The following KAZN variants were observed in gnomAD, a reference collection of about 807,000 sequenced individuals.
KAZN encodes the protein kazrin, periplakin interacting protein.
KAZN carries 40 observed loss-of-function variants against 87.4 expected under a neutral mutation model. The ratio of observed to expected loss-of-function variants is 0.46; its 90% CI spans 0.36 to 0.60. KAZN has a LOEUF of 0.60. Among genes scored for constraint, KAZN ranks in the 20% least tolerant of loss-of-function variants. The probability of loss-of-function intolerance (pLI) is 0.00; values close to 1 mark genes in which losing one functional copy is unlikely to be tolerated. For synonymous variants in KAZN, 466 were observed against 458.3 expected (o/e 1.02, Z -0.22); for missense variants, 898 against 1,073.9 (o/e 0.84, Z 2.29).
chr1:13,973,229 C>G (rs528746527), intron 1 of KAZN, among the ~76,000 whole-genome samples: 1 of 152,322 alleles, frequency 6.6e-6, no homozygotes, highest in Admixed American at 6.5e-5. Flanking sequence ...AACTTCATAA[C>G]AACCTCATGG....
intron 2 of KAZN, among the ~76,000 whole-genome samples, chr1:14,548,950 T>C (rs1673337841): frequency 1.3e-5 from 2 of 152,220 alleles, no homozygotes; most frequent in South Asian, 4.1e-4. Flanking sequence ...TTTTATGTTT[T>C]GGAATAATTT....
chr1:14,297,017 G>A (rs548294952), intron 2 of KAZN, among the ~76,000 whole-genome samples: 2 of 152,288 alleles, frequency 1.3e-5, no homozygotes, highest in South Asian at 4.2e-4. Flanking sequence ...TGTGTGACAT[G>A]TCATGATGCT....
intron 1 of KAZN, among the ~76,000 whole-genome samples, chr1:14,656,791 T>A (rs1198376709): frequency 6.6e-6 from 1 of 152,194 alleles, no homozygotes; most frequent in Non-Finnish European, 1.5e-5. Context: ...ATCCCCATGA[T>A]CCAAGCACCT....
intron 1 of KAZN, among the ~76,000 whole-genome samples, chr1:13,959,623 C>T (rs1169165745): frequency 6.6e-6 from 1 of 152,170 alleles, no homozygotes; most frequent in Non-Finnish European, 1.5e-5. Context: ...GGATCATTTC[C>T]CCATCCTTCT....
At chr1:14,148,912 T>C (rs961913942) in intron 1 of KAZN, among the ~76,000 whole-genome samples, 1 of 152,106 alleles carries the variant, frequency 6.6e-6, no homozygotes, top group Non-Finnish European at 1.5e-5. Flanking sequence ...ACTTTTTGCT[T>C]GATTGGATTT....
At chr1:14,004,946 C>T (rs150687777) in intron 1 of KAZN, among the ~76,000 whole-genome samples, 229 of 151,570 alleles carry the variant, frequency 1.5e-3, no homozygotes, top group African/African-American at 5.2e-3. Flanking sequence ...CCTCGCCACC[C>T]GATGCCCTGT....
chr1:14,284,233 T>C (rs1244482585), intron 2 of KAZN, among the ~76,000 whole-genome samples: 1 of 152,206 alleles, frequency 6.6e-6, no homozygotes, highest in Non-Finnish European at 1.5e-5. Flanking sequence ...TCTGTAAATA[T>C]ACTAAAAATA....
intron 1 of KAZN, among the ~76,000 whole-genome samples, chr1:14,693,301 A>G (rs1335265277): frequency 6.6e-6 from 1 of 152,178 alleles, no homozygotes; most frequent in African/African-American, 2.4e-5. Context: ...ACAGGATGCT[A>G]AGGGAGGGGT....
chr1:14,468,178 A>G (rs1194104051), intron 2 of KAZN, among the ~76,000 whole-genome samples: 2 of 149,434 alleles, frequency 1.3e-5, no homozygotes, highest in East Asian at 1.9e-4. Flanking sequence ...TAAAAAATCT[A>G]TGAGGTGTTC....
intron 2 of KAZN, among the ~76,000 whole-genome samples, chr1:14,268,542 A>T (rs1444209931): frequency 6.6e-6 from 1 of 151,906 alleles, no homozygotes; most frequent in African/African-American, 2.4e-5. Flanking sequence ...GTGAGGCAGG[A>T]TGGAGGGGAA....
At chr1:14,526,711 ACCT>A (rs921714857) in intron 2 of KAZN, among the ~76,000 whole-genome samples, 1 of 150,588 alleles carries the variant, frequency 6.6e-6, no homozygotes, top group African/African-American at 2.4e-5. Flanking sequence ...GATATCAAAA[ACCT>A]CATTCCCCTG....
chr1:14,901,725 T>G (rs1572774790), intron 1 of KAZN, among the ~76,000 whole-genome samples: 1 of 152,154 alleles, frequency 6.6e-6, no homozygotes, highest in African/African-American at 2.4e-5. Flanking sequence ...AAACAGCCAT[T>G]GTGGGAGAAG....
chr1:14,554,340 C>T (rs1178396545), intron 2 of KAZN, among the ~76,000 whole-genome samples: 2 of 152,178 alleles, frequency 1.3e-5, no homozygotes, highest in African/African-American at 4.8e-5. Context: ...CCCTGTATCA[C>T]CCAGGCATCC....
At chr1:14,801,437 G>T (rs1030098597) in intron 1 of KAZN, among the ~76,000 whole-genome samples, 17 of 152,134 alleles carry the variant, frequency 1.1e-4, no homozygotes, top group African/African-American at 3.9e-4. Context: ...CCAGAGAGTG[G>T]CTGGGTCCCT....
At chr1:14,696,986 C>A (rs1406885793) in intron 1 of KAZN, among the ~76,000 whole-genome samples, 1 of 151,910 alleles carries the variant, frequency 6.6e-6, no homozygotes, top group Admixed American at 6.6e-5. Flanking sequence ...AGTCAACAAC[C>A]CTTCTCCTAT....
At chr1:14,079,523 G>A (rs191303407) in intron 1 of KAZN, among the ~76,000 whole-genome samples, 19 of 152,232 alleles carry the variant, frequency 1.2e-4, no homozygotes, top group Admixed American at 9.2e-4. Context: ...GGAATGCTAC[G>A]TGTTCTAGGA....
chr1:14,306,055 AT>A (rs1654902562), intron 2 of KAZN, among the ~76,000 whole-genome samples: 1 of 151,994 alleles, frequency 6.6e-6, no homozygotes, highest in African/African-American at 2.4e-5. Flanking sequence ...GGAGGAAACA[AT>A]TTTTGTTGGA....
chr1:13,922,619 G>T (rs1399104292), intron 1 of KAZN, among the ~76,000 whole-genome samples: 3 of 152,172 alleles, frequency 2.0e-5, no homozygotes, highest in African/African-American at 7.2e-5. Context: ...GGGAATCGTG[G>T]CTGAACGCAG....
intron 13 of KAZN, among the ~76,000 whole-genome samples, chr1:15,109,156 C>T (rs923527932): frequency 2.0e-5 from 3 of 152,068 alleles, no homozygotes; most frequent in East Asian, 1.9e-4. Flanking sequence ...AGGTCGAGGC[C>T]GGTAGATCAC....
Sources: gnomAD v4.1 joint callset for allele counts (sites outside exome capture counted in the v4.1 genomes callset) on GRCh38, gnomAD v4.1.1 for gene constraint, MANE v1.5 for transcripts, NCBI Gene and HGNC (gene_info 2026-07-23, HGNC 2026-07-21) for gene names.